PCDHGA3: variants seen among roughly 807,000 people sequenced by gnomAD.
PCDHGA3 encodes protocadherin gamma subfamily A, 3.
Under a neutral mutation model 58.5 loss-of-function variants are expected in PCDHGA3, and 40 were observed. The observed-to-expected ratio is 0.68, with a 90% CI of 0.53 to 0.89. The LOEUF (loss-of-function observed/expected upper bound fraction) is 0.89. Among genes scored for constraint, PCDHGA3 ranks in the 40% least tolerant of loss-of-function variants. PCDHGA3 has a pLI of 0.00. For missense variants in PCDHGA3, 1,223 were observed against 1,195.9 expected, an observed-to-expected ratio of 1.02 and a Z score of -0.33; for synonymous variants, 530 against 525.7, an observed-to-expected ratio of 1.01 and a Z score of -0.11.
intron 1 of PCDHGA3, chr5:141,372,449 G>A (rs777753711): frequency 2.5e-6 from 4 of 1,614,064 alleles, no homozygotes; most frequent in African/African-American, 1.3e-5. Context: ...CTGACCCTCA[G>A]GCGGAGCTAC....
chr5:141,397,205 AAG>A (rs896486095), intron 1 of PCDHGA3, among the ~76,000 whole-genome samples: 76 of 152,336 alleles, frequency 5.0e-4, no homozygotes, highest in African/African-American at 1.8e-3. Context: ...GATATGACAT[AAG>A]AGAAGTATTT....
At chr5:141,414,064 C>T in intron 1 of PCDHGA3, 1 of 1,607,864 alleles carries the variant, frequency 6.2e-7, no homozygotes, top group Non-Finnish European at 8.5e-7. Context: ...GTTGAAGTTC[C>T]AACTAAACAA....
At chr5:141,361,018 A>G in intron 1 of PCDHGA3, 1 of 1,613,362 alleles carries the variant, frequency 6.2e-7, no homozygotes, top group Non-Finnish European at 8.5e-7. Context: ...TTTCAACTTA[A>G]ATGAAAAAAC....
chr5:141,418,284 T>A (rs766608852), intron 1 of PCDHGA3: 19 of 1,613,826 alleles, frequency 1.2e-5, no homozygotes, highest in Non-Finnish European at 1.4e-5. Flanking sequence ...AACTTAGAAA[T>A]CAGTGAATCC....
chr5:141,372,634 C>G, intron 1 of PCDHGA3: 1 of 1,614,012 alleles, frequency 6.2e-7, no homozygotes, highest in Non-Finnish European at 8.5e-7. Context: ...AGCGAAAGGA[C>G]TTTGCCTTAT....
chr5:141,442,720 T>C (rs941034636), intron 1 of PCDHGA3, among the ~76,000 whole-genome samples: 1 of 152,202 alleles, frequency 6.6e-6, no homozygotes, highest in Non-Finnish European at 1.5e-5. Flanking sequence ...GCCAGAGCAT[T>C]TGGGGCCTGT....
chr5:141,350,934 T>G (rs1168998921), intron 1 of PCDHGA3: 13 of 1,613,984 alleles, frequency 8.1e-6, no homozygotes, highest in Non-Finnish European at 1.0e-5. Flanking sequence ...ACCACCCATA[T>G]CTGGATCCGA....
intron 1 of PCDHGA3, among the ~76,000 whole-genome samples, chr5:141,373,276 G>T (rs1769464753): frequency 6.6e-6 from 1 of 152,204 alleles, no homozygotes; most frequent in Non-Finnish European, 1.5e-5. Flanking sequence ...CACAGATGTT[G>T]CCTATGTCAG....
intron 1 of PCDHGA3, chr5:141,350,922 G>A (rs199977912): frequency 6.5e-4 from 1,048 of 1,614,058 alleles, no homozygotes; most frequent in Non-Finnish European, 8.3e-4. Context: ...CCTCTAAGCG[G>A]CACCACCCAT....
intron 1 of PCDHGA3, among the ~76,000 whole-genome samples, chr5:141,465,319 T>A (rs184635197): frequency 4.6e-5 from 7 of 152,324 alleles, no homozygotes; most frequent in Admixed American, 1.3e-4. Flanking sequence ...GCCATGTCAA[T>A]GCAGTATTTT....
At chr5:141,439,947 T>C (rs2098140958) in intron 1 of PCDHGA3, 1 of 152,516 alleles carries the variant, frequency 6.6e-6, no homozygotes, top group Non-Finnish European at 1.5e-5. Flanking sequence ...TTCTCTATGA[T>C]GCAGATCCGT....
In PCDHGA3 at chr5:141,405,177, G is replaced by C. The variant is rs370032217; in HGVS notation, c.2424+58720G>C. On this transcript the variant is annotated intron_variant, in intron 1 of 3. Coordinates refer to ENST00000253812, the MANE Select transcript of PCDHGA3 (RefSeq NM_018916.4). Reference sequence around the variant, plus strand: ...GGTGTGCCCACCTCACACTTTGTGGGTGTAGATGGGGTTCGAGCTTTCCTA... The same window carrying C: ...GGTGTGCCCACCTCACACTTTGTGGCTGTAGATGGGGTTCGAGCTTTCCTA... 1.6e-5 allele frequency: 26 copies of C among 1,614,140 alleles called. No homozygotes were observed. The highest frequency in any genetic ancestry group is 2.0e-5 in the Non-Finnish European group (24 of 1,180,024).
chr5:141,489,354 G>A lies in PCDHGA3; in HGVS notation c.2425-5453G>A, dbSNP rs773010251. On this transcript the variant is annotated intron_variant, in intron 1 of 3. Coordinates refer to ENST00000253812, the MANE Select transcript of PCDHGA3 (RefSeq NM_018916.4). The surrounding 1 kb of genome is among the most constrained non-coding windows in gnomAD (Gnocchi z 4.5). ...AGCTTCGTTACTCAGTGGTGGAGGA[G>A]TCTGAGCCGGGGACGCTGGTGGGGA... The A allele has an allele frequency of 1.2e-5, 19 of 1,612,796 alleles. No homozygotes were observed. Among genetic ancestry groups the A allele is most frequent in the East Asian group, 2.2e-5 (1 of 44,868 alleles).
chr5:141,360,162 G>A, intron 1 of PCDHGA3: 2 of 1,607,024 alleles, frequency 1.2e-6, no homozygotes, highest in Non-Finnish European at 1.7e-6. Context: ...GGAGGTGCGG[G>A]CTGGTGCGGT....
chr5:141,467,287 A>C (rs2099140956), intron 1 of PCDHGA3, among the ~76,000 whole-genome samples: 1 of 152,082 alleles, frequency 6.6e-6, no homozygotes, highest in Admixed American at 6.6e-5. Flanking sequence ...TCTTGACCTC[A>C]AGTGATCCAC....
intron 1 of PCDHGA3, chr5:141,390,248 A>G (rs778353032): frequency 2.5e-6 from 4 of 1,613,850 alleles, no homozygotes; most frequent in East Asian, 2.2e-5. Context: ...CCTTATTTCC[A>G]CTTTGTAATT....
chr5:141,422,913 G>T, intron 1 of PCDHGA3: 1 of 1,614,248 alleles, frequency 6.2e-7, no homozygotes, highest in Non-Finnish European at 8.5e-7. Context: ...ATGCGCCCGA[G>T]ATCCTGTACC....
intron 1 of PCDHGA3, chr5:141,397,905 G>C: frequency 1.5e-6 from 1 of 659,508 alleles, no homozygotes; most frequent in East Asian, 2.8e-5. Flanking sequence ...GCAGAGCTTG[G>C]CGCTCCAGAT....
intron 1 of PCDHGA3, chr5:141,371,738 C>T: frequency 1.2e-6 from 2 of 1,614,052 alleles, no homozygotes; most frequent in Non-Finnish European, 1.7e-6. Context: ...TCAACGACAA[C>T]GTTCCCGTTT....
Sources: gnomAD v4.1 joint callset for allele counts (sites outside exome capture counted in the v4.1 genomes callset) on GRCh38, gnomAD v4.1.1 for gene constraint, Gnocchi (gnomAD v3.1) non-coding constraint, MANE v1.5 for transcripts, NCBI Gene and HGNC (gene_info 2026-07-23, HGNC 2026-07-21) for gene names.